Variants in SNTG1 observed in about 807,000 individuals in gnomAD.
The protein encoded by SNTG1 is syntrophin gamma 1, also known as gamma-1-syntrophin.
A neutral mutation model predicts 74.7 loss-of-function variants in SNTG1; 39 were observed. The observed-to-expected ratio is 0.52, with a 90% CI of 0.40 to 0.68. The LOEUF (loss-of-function observed/expected upper bound fraction) is 0.68. Ranked by LOEUF, SNTG1 falls within the 30% of genes least tolerant of loss-of-function variation. The probability of loss-of-function intolerance (pLI) is 0.00; values close to 1 mark genes in which losing one functional copy is unlikely to be tolerated. For missense variants in SNTG1, 685 were observed against 609.5 expected, an observed-to-expected ratio of 1.12 and a Z score of -1.30; for synonymous variants, 254 against 217.1, an observed-to-expected ratio of 1.17 and a Z score of -1.49.
chr8:50,110,075 C>G (rs983766801), intron 1 of SNTG1, among the ~76,000 whole-genome samples: 1 of 152,158 alleles, frequency 6.6e-6, no homozygotes, highest in Non-Finnish European at 1.5e-5. Context: ...GTGTTTTTCA[C>G]TCCAGGAAGG....
intron 5 of SNTG1, among the ~76,000 whole-genome samples, chr8:50,445,962 A>C (rs2093402829): frequency 6.6e-6 from 1 of 152,196 alleles, no homozygotes; most frequent in Non-Finnish European, 1.5e-5. Flanking sequence ...CCAAAATTTC[A>C]AAAATGAACA....
chr8:50,720,057 A>G (rs941042710), intron 17 of SNTG1, among the ~76,000 whole-genome samples: 3 of 152,184 alleles, frequency 2.0e-5, no homozygotes, highest in African/African-American at 7.2e-5. Flanking sequence ...TAATTTAGGC[A>G]ACTGGCCCAA....
At chr8:50,550,146 G>T (rs1182970947) in intron 11 of SNTG1, among the ~76,000 whole-genome samples, 1 of 152,090 alleles carries the variant, frequency 6.6e-6, no homozygotes, top group Non-Finnish European at 1.5e-5. Flanking sequence ...TTCCTCACTG[G>T]TCTAATAGGA....
chr8:49,933,342 A>G (rs1257215298), intron 1 of SNTG1, among the ~76,000 whole-genome samples: 1 of 152,168 alleles, frequency 6.6e-6, no homozygotes, highest in Non-Finnish European at 1.5e-5. Flanking sequence ...TAATTTGCAT[A>G]TAATTAGCGA....
chr8:50,667,736 T>A (rs1001500963), intron 15 of SNTG1, among the ~76,000 whole-genome samples: 8 of 152,058 alleles, frequency 5.3e-5, no homozygotes, highest in Admixed American at 5.3e-4. Context: ...ATTTTCTGAC[T>A]ATAATTATAT....
intron 11 of SNTG1, among the ~76,000 whole-genome samples, chr8:50,545,438 C>G (rs1479243392): frequency 6.7e-6 from 1 of 149,202 alleles, no homozygotes; most frequent in Admixed American, 6.7e-5. Context: ...GCAAAATGAG[C>G]ATATAAATAT....
At chr8:50,210,647 G>A (rs1256202670) in intron 2 of SNTG1, among the ~76,000 whole-genome samples, 1 of 152,154 alleles carries the variant, frequency 6.6e-6, no homozygotes. Context: ...AAGTGAAGGA[G>A]AAGTAAATTC....
chr8:50,774,134 C>A (rs1162709148), intron 18 of SNTG1, among the ~76,000 whole-genome samples: 2 of 151,764 alleles, frequency 1.3e-5, no homozygotes, highest in Admixed American at 1.3e-4. Context: ...GTCTCTATAA[C>A]AGCATAAGTT....
intron 18 of SNTG1, among the ~76,000 whole-genome samples, chr8:50,776,838 G>A (rs1282817414): frequency 6.6e-6 from 1 of 151,810 alleles, no homozygotes; most frequent in Non-Finnish European, 1.5e-5. Context: ...AATTTCTGAA[G>A]CACTATTTTG....
At chr8:50,129,380 G>A (rs1271424897) in intron 1 of SNTG1, among the ~76,000 whole-genome samples, 1 of 152,084 alleles carries the variant, frequency 6.6e-6, no homozygotes, top group Non-Finnish European at 1.5e-5. Flanking sequence ...AGAAGGAGAG[G>A]CCCTCAATAA....
At chr8:50,308,970 T>TTC in intron 2 of SNTG1, among the ~76,000 whole-genome samples, 2 of 152,178 alleles carry the variant, frequency 1.3e-5, no homozygotes, top group African/African-American at 4.8e-5. Context: ...ATAGTTTTGA[T>TTC]CTACACATCA....
At position 50,243,378 on chromosome 8, in the gene SNTG1, T is replaced by C. The variant is rs546848457; in HGVS notation, c.-28+70743T>C. Reference sequence around the variant, plus strand: ...TGAATAATTCAATTATGGAGTAACTTTTCCCTATTTTACTAAAATTTATCT... The same window carrying C: ...TGAATAATTCAATTATGGAGTAACTCTTCCCTATTTTACTAAAATTTATCT... On this transcript the variant is annotated intron_variant, in intron 2 of 18. Transcript: ENST00000642720. 7.9e-5 allele frequency among the ~76,000 whole-genome samples: 12 copies of C among 152,258 alleles called. 1 individual carries two copies. The highest frequency in any genetic ancestry group is 2.6e-4 in the African/African-American group (11 of 41,558).
intron 1 of SNTG1, among the ~76,000 whole-genome samples, chr8:50,013,523 G>A (rs1451487148): frequency 1.3e-5 from 2 of 151,420 alleles, no homozygotes; most frequent in African/African-American, 4.9e-5. Context: ...ATATGTATGT[G>A]CACATATATA....
chr8:50,451,952 TAC>T (rs2093461618), intron 8 of SNTG1, among the ~76,000 whole-genome samples: 1 of 152,182 alleles, frequency 6.6e-6, no homozygotes, highest in South Asian at 2.1e-4. Context: ...AAATAAGAAA[TAC>T]TGTAGTCCTT....
At chr8:50,310,243 A>G (rs1200856188) in intron 2 of SNTG1, among the ~76,000 whole-genome samples, 1 of 152,212 alleles carries the variant, frequency 6.6e-6, no homozygotes, top group Non-Finnish European at 1.5e-5. Flanking sequence ...AGTTTTATTA[A>G]ATAAAATAAT....
intron 17 of SNTG1, among the ~76,000 whole-genome samples, chr8:50,734,730 TATATATATGGA>T (rs2095521596): frequency 1.1e-5 from 1 of 90,068 alleles, no homozygotes; most frequent in African/African-American, 6.9e-5. Context: ...ATTATATATC[TATATATATGGA>T]CATGTATATA....
intron 2 of SNTG1, among the ~76,000 whole-genome samples, chr8:50,343,981 C>T: frequency 6.6e-6 from 1 of 152,132 alleles, no homozygotes; most frequent in East Asian, 1.9e-4. Flanking sequence ...GTAGTTAACT[C>T]CATCCTCAGC....
At chr8:50,241,930 A>T (rs1230270822) in intron 2 of SNTG1, among the ~76,000 whole-genome samples, 1 of 151,946 alleles carries the variant, frequency 6.6e-6, no homozygotes, top group East Asian at 2.0e-4. Context: ...TGAGGTTCTC[A>T]CTGCAAACAC....
chr8:50,339,218 TA>T (rs2091244125), intron 2 of SNTG1, among the ~76,000 whole-genome samples: 2 of 152,062 alleles, frequency 1.3e-5, no homozygotes, highest in South Asian at 2.1e-4. Flanking sequence ...CCTTCAAATG[TA>T]AAGAAGGAAT....
Sources: allele counts gnomAD v4.1 joint callset (sites outside exome capture counted in the v4.1 genomes callset), GRCh38; gene constraint gnomAD v4.1.1; transcripts MANE v1.5; gene names NCBI Gene and HGNC (gene_info 2026-07-23, HGNC 2026-07-21).